The following FAM169A variants were observed in gnomAD, a reference collection of about 807,000 sequenced individuals.
The protein encoded by FAM169A is family with sequence similarity 169 member A, also known as soluble lamin-associated protein of 75 kDa.
Under a neutral mutation model 75.7 loss-of-function variants are expected in FAM169A, and 24 were observed. The ratio of observed to expected loss-of-function variants is 0.32; its 90% CI spans 0.23 to 0.45. The LOEUF is 0.45. FAM169A is among the 20% of genes least tolerant of loss of function. The pLI, the probability that FAM169A is intolerant of heterozygous loss-of-function variation, is 1.00. For missense variants in FAM169A, 673 were observed against 784.0 expected, an observed-to-expected ratio of 0.86 and a Z score of 1.69; for synonymous variants, 271 against 271.0, an observed-to-expected ratio of 1.00 and a Z score of 0.00.
At chr5:74,840,926 C>A (rs1240492792) in intron 2 of FAM169A, among the ~76,000 whole-genome samples, 1 of 151,538 alleles carries the variant, frequency 6.6e-6, no homozygotes, top group East Asian at 1.9e-4. Context: ...TTCATTTAAT[C>A]CAACACTTAT....
chr5:74,801,044 C>A lies in FAM169A; in HGVS notation c.953-14G>T. On this transcript the variant is annotated splice_polypyrimidine_tract_variant and intron_variant, in intron 9 of 12. Transcript: ENST00000687041. Reference sequence around the variant, plus strand: ...TTTTATCATGACCTGAGGAGAAAAACAGCAAAACTGCACTTAATTGATTAT... The same window carrying A: ...TTTTATCATGACCTGAGGAGAAAAAAAGCAAAACTGCACTTAATTGATTAT... 1 of 1,514,838 alleles carries A rather than the reference C, an allele frequency of 6.6e-7. No homozygotes were observed. Among genetic ancestry groups the A allele is most frequent in the South Asian group, 1.3e-5 (1 of 74,696 alleles). The allele number at this position is 1,514,838 out of a possible 1,614,324, so 93.8% of individuals were successfully genotyped here. A position where few individuals can be genotyped will look rare whatever the true frequency, so the allele number is the denominator to read the frequency against.
At chr5:74,848,103 T>C (rs1251803812) in intron 1 of FAM169A, among the ~76,000 whole-genome samples, 2 of 152,222 alleles carry the variant, frequency 1.3e-5, no homozygotes, top group Non-Finnish European at 2.9e-5. Context: ...AAAATATTTT[T>C]ATGTTTGCAA....
At chr5:74,866,711 G>A, upstream of FAM169A, 1 of 977,890 alleles carries the variant, frequency 1.0e-6, no homozygotes, top group Non-Finnish European at 1.2e-6. Flanking sequence ...TAAGCCGCGG[G>A]GGCTGCAACG....
chr5:74,856,017 A>C (rs1749687234), intron 1 of FAM169A, among the ~76,000 whole-genome samples: 2 of 152,236 alleles, frequency 1.3e-5, no homozygotes, highest in Non-Finnish European at 1.5e-5. Flanking sequence ...CAGTATTCCC[A>C]GCACCATTTA....
intron 11 of FAM169A, among the ~76,000 whole-genome samples, chr5:74,788,813 C>A (rs1235083664): frequency 6.6e-6 from 1 of 152,136 alleles, no homozygotes; most frequent in Non-Finnish European, 1.5e-5. Context: ...GGTGGTGATT[C>A]CCATCACATC....
At chr5:74,783,534 A>C (rs1745519449) in intron 11 of FAM169A, among the ~76,000 whole-genome samples, 1 of 152,202 alleles carries the variant, frequency 6.6e-6, no homozygotes, top group Non-Finnish European at 1.5e-5. Flanking sequence ...CTCTTTACAT[A>C]ACACCAGCTG....
In FAM169A at chr5:74,841,538, A is replaced by G; in HGVS notation, c.132+7T>C. ...AGATTGATGACAATCACTGCAGAAC[A>G]CCTTACCGTAATATTGAGAAGAGAA... is the stretch of plus-strand genomic sequence containing the variant. On this transcript the variant is annotated splice_region_variant and intron_variant, in intron 2 of 12. Transcript: ENST00000687041. 6.2e-7 allele frequency: 1 copy of G among 1,606,576 alleles called. No homozygotes were observed. The highest frequency in any genetic ancestry group is 8.5e-7 in the Non-Finnish European group (1 of 1,175,542).
In FAM169A at chr5:74,781,571, A is replaced by G. The variant is rs1210680057; in HGVS notation, c.1902T>C (p.Asp634=). The stretch of plus-strand genomic sequence containing the variant: ...CCACTTCTATTTCCTCTGAGCTGCT[A>G]TCCACAGCTTTTTCTGCCGATTGTG... ...QFTQSAEKAV[D]SSSEEIEVEV... The change falls in exon 13 of 13, where the codon GAT becomes GAC. Residue 634 remains aspartate (D), a synonymous_variant. Coordinates refer to ENST00000687041, the MANE Select transcript of FAM169A (RefSeq NM_001376049.1). 4 of 1,614,086 alleles carry G rather than the reference A, an allele frequency of 2.5e-6. No individual in the cohort carries two copies. Among genetic ancestry groups the G allele is most frequent in the Middle Eastern group, 1.6e-4 (1 of 6,062 alleles).
At chr5:74,838,544 T>C (rs1392038333) in intron 4 of FAM169A, among the ~76,000 whole-genome samples, 1 of 152,172 alleles carries the variant, frequency 6.6e-6, no homozygotes, top group Non-Finnish European at 1.5e-5. Context: ...AAGCTTGCTC[T>C]CTCCTGAACC....
rs1561297583 is a variant in FAM169A at position 74,804,489 on chromosome 5, C to G, written c.912+4G>C. 6.6e-7 allele frequency: 1 copy of G among 1,514,660 alleles called. No individual in the cohort carries two copies. The highest frequency in any genetic ancestry group is 9.1e-7 in the Non-Finnish European group (1 of 1,099,996). 93.8% of individuals were successfully genotyped at this position (1,514,660 alleles called of 1,614,324 possible). Reference sequence around the variant, plus strand: ...AACAATAAACATATAGACAGTGTACCTACAGTTAGCTGCATCTCACTAGAC... The same window carrying G: ...AACAATAAACATATAGACAGTGTACGTACAGTTAGCTGCATCTCACTAGAC... On this transcript the variant is annotated splice_donor_region_variant and intron_variant, in intron 8 of 12. Transcript: ENST00000687041.
chr5:74,866,048 G>T, intron 1 of FAM169A, 117 bp downstream of exon 1: 2 of 407,108 alleles, frequency 4.9e-6, no homozygotes, highest in Non-Finnish European at 6.6e-6. Flanking sequence ...GCCCACAGCC[G>T]GTGGCCCGCG....
In FAM169A at chr5:74,801,570, A is replaced by C; in HGVS notation, c.952+20T>G. ...TGAAGTGTCTCAAATACTTACTGATATATCAGTTGAATTTCTTACCTTCGG... is the reference window on the plus strand; with the variant it reads ...TGAAGTGTCTCAAATACTTACTGATCTATCAGTTGAATTTCTTACCTTCGG... On this transcript the variant is annotated intron_variant, in intron 9 of 12. Coordinates refer to ENST00000687041, the MANE Select transcript of FAM169A (RefSeq NM_001376049.1). The C allele has an allele frequency of 6.3e-7, 1 of 1,581,970 alleles. No homozygotes were observed.
intron 11 of FAM169A, among the ~76,000 whole-genome samples, chr5:74,784,720 C>T (rs1486830053): frequency 6.7e-6 from 1 of 149,130 alleles, no homozygotes; most frequent in Non-Finnish European, 1.5e-5. Context: ...AGATCGAGAC[C>T]ATCCTGGCTA....
At chr5:74,814,548 T>C (rs1262164851) in intron 5 of FAM169A, among the ~76,000 whole-genome samples, 2 of 152,198 alleles carry the variant, frequency 1.3e-5, no homozygotes. Flanking sequence ...AGTGAATTAG[T>C]TCTCCAAATT....
At chr5:74,799,588 G>T in intron 10 of FAM169A, 1 of 1,477,998 alleles carries the variant, frequency 6.8e-7, no homozygotes, top group South Asian at 1.1e-5. Context: ...GTCAGAGTCT[G>T]GTGGCGGTGG....
At chr5:74,853,701 ATTTTTTTTT>A (rs34017579) in intron 1 of FAM169A, among the ~76,000 whole-genome samples, 14 of 110,190 alleles carry the variant, frequency 1.3e-4, no homozygotes, top group Non-Finnish European at 2.1e-4. Context: ...CATCTTCAGA[ATTTTTTTTT>A]TTTTTTTTTT....
intron 1 of FAM169A, among the ~76,000 whole-genome samples, chr5:74,860,317 C>T (rs1749967297): frequency 6.6e-6 from 1 of 152,202 alleles, no homozygotes; most frequent in Non-Finnish European, 1.5e-5. Context: ...AAATTCTTTA[C>T]TAATATGGTT....
At chr5:74,852,805 G>A (rs1473950380) in intron 1 of FAM169A, among the ~76,000 whole-genome samples, 1 of 152,108 alleles carries the variant, frequency 6.6e-6, no homozygotes, top group African/African-American at 2.4e-5. Flanking sequence ...ACAAGCAGCA[G>A]GCCATTAAGG....
intron 4 of FAM169A, among the ~76,000 whole-genome samples, chr5:74,838,585 G>A (rs955993192): frequency 6.6e-6 from 1 of 152,102 alleles, no homozygotes; most frequent in Non-Finnish European, 1.5e-5. Flanking sequence ...ACACTATATA[G>A]ACCACCTGAA....
Sources: allele counts gnomAD v4.1 joint callset (sites outside exome capture counted in the v4.1 genomes callset), GRCh38; gene constraint gnomAD v4.1.1; transcripts MANE v1.5; gene names NCBI Gene and HGNC (gene_info 2026-07-23, HGNC 2026-07-21).